Variants in DLG2 observed in about 807,000 individuals in gnomAD.
DLG2 encodes discs large MAGUK scaffold protein 2.
A neutral mutation model predicts 132.5 loss-of-function variants in DLG2; 45 were observed. That is an observed-to-expected ratio of 0.34 (90% CI 0.27 to 0.44). The LOEUF is 0.44. Among genes scored for constraint, DLG2 ranks in the 20% least tolerant of loss-of-function variants. DLG2 has a pLI of 1.00. For synonymous variants in DLG2, 424 were observed against 419.6 expected, an observed-to-expected ratio of 1.01 and a Z score of -0.13; for missense variants, 1,045 against 1,196.9, an observed-to-expected ratio of 0.87 and a Z score of 1.87.
intron 3 of DLG2, among the ~76,000 whole-genome samples, chr11:85,559,992 G>A (rs2077149181): frequency 6.6e-6 from 1 of 151,490 alleles, no homozygotes; most frequent in Non-Finnish European, 1.5e-5. Flanking sequence ...AGTAACACAA[G>A]CTATGAGAAA....
chr11:84,081,316 A>G (rs2096899647), intron 10 of DLG2, among the ~76,000 whole-genome samples: 1 of 152,214 alleles, frequency 6.6e-6, no homozygotes, highest in Non-Finnish European at 1.5e-5. Flanking sequence ...AAATGTTAGA[A>G]TAATACTGAT....
chr11:83,608,924 C>T (rs1354240320), intron 19 of DLG2, among the ~76,000 whole-genome samples: 1 of 152,160 alleles, frequency 6.6e-6, no homozygotes, highest in Non-Finnish European at 1.5e-5. Context: ...TTCTATTACA[C>T]AGCCACCATT....
intron 4 of DLG2, among the ~76,000 whole-genome samples, chr11:85,215,078 C>G (rs909753708): frequency 2.0e-5 from 3 of 152,072 alleles, no homozygotes; most frequent in African/African-American, 7.2e-5. Context: ...TTGAAAGAAA[C>G]TGAAATAAAA....
chr11:84,374,565 G>C (rs756355792), intron 7 of DLG2, among the ~76,000 whole-genome samples: 6 of 151,974 alleles, frequency 3.9e-5, no homozygotes, highest in Non-Finnish European at 8.8e-5. Flanking sequence ...CTTCCAGTGT[G>C]GCCCAGGGAG....
chr11:85,027,923 G>A (rs530121386), intron 6 of DLG2, among the ~76,000 whole-genome samples: 1 of 152,316 alleles, frequency 6.6e-6, no homozygotes, highest in Non-Finnish European at 1.5e-5. Context: ...AGCCCTGTTT[G>A]TGTTGCAGCT....
chr11:85,078,268 TG>T (rs2066803278), intron 6 of DLG2, among the ~76,000 whole-genome samples: 1 of 150,574 alleles, frequency 6.6e-6, no homozygotes, highest in Admixed American at 6.7e-5. Context: ...GCAGTGTGTG[TG>T]GACTAGAGGA....
chr11:84,167,543 A>T (rs1478165197), intron 8 of DLG2, among the ~76,000 whole-genome samples: 2 of 152,202 alleles, frequency 1.3e-5, no homozygotes, highest in African/African-American at 4.8e-5. Flanking sequence ...ACAAATGTGA[A>T]CTATCCATAT....
In DLG2 at chr11:84,673,658, C is replaced by G. The variant is rs551307957; in HGVS notation, c.358-138927G>C. Among the ~76,000 whole-genome samples the G allele has an allele frequency of 9.4e-5, 14 of 149,568 alleles. 1 individual carries two copies. In the East Asian group the frequency reaches 2.6e-3, roughly 27 times the overall value. On this transcript the variant is annotated intron_variant, in intron 6 of 27. Coordinates refer to ENST00000376104, the MANE Select transcript of DLG2 (RefSeq NM_001142699.3). ...AAATAAATCACTAATGTAGTGAAGACTGTGACAAAAATAAGAATTTTCCAT... is the reference window on the plus strand; with the variant it reads ...AAATAAATCACTAATGTAGTGAAGAGTGTGACAAAAATAAGAATTTTCCAT...
intron 4 of DLG2, among the ~76,000 whole-genome samples, chr11:85,188,683 A>C (rs1349494888): frequency 6.6e-6 from 1 of 152,198 alleles, no homozygotes; most frequent in Admixed American, 6.5e-5. Flanking sequence ...TAAAAATTTA[A>C]GTGGAAATTC....
intron 7 of DLG2, among the ~76,000 whole-genome samples, chr11:84,519,788 A>G (rs1481341880): frequency 6.6e-6 from 1 of 152,242 alleles, no homozygotes; most frequent in Admixed American, 6.5e-5. Flanking sequence ...CTCAGAAATG[A>G]AAGAAAACTT....
At chr11:85,151,203 T>G (rs1260280722) in intron 5 of DLG2, among the ~76,000 whole-genome samples, 7 of 152,202 alleles carry the variant, frequency 4.6e-5, no homozygotes, top group Non-Finnish European at 8.8e-5. Flanking sequence ...TGTCCATTTT[T>G]AGTTGTGTTA....
intron 6 of DLG2, among the ~76,000 whole-genome samples, chr11:85,041,728 A>T (rs949141871): frequency 3.3e-5 from 5 of 151,936 alleles, no homozygotes; most frequent in African/African-American, 1.2e-4. Flanking sequence ...TGGATGCAAA[A>T]CCAATGACAT....
At chr11:84,903,530 T>G (rs1282765112) in intron 6 of DLG2, among the ~76,000 whole-genome samples, 1 of 152,166 alleles carries the variant, frequency 6.6e-6, no homozygotes, top group Non-Finnish European at 1.5e-5. Context: ...TTACTCATCT[T>G]CATATCCCTG....
chr11:85,318,886 T>A (rs1351043525), intron 3 of DLG2, among the ~76,000 whole-genome samples: 2 of 151,796 alleles, frequency 1.3e-5, no homozygotes, highest in African/African-American at 2.4e-5. Context: ...GTATCAAAGT[T>A]TGTCACATTA....
At chr11:84,142,263 G>A (rs1352493503) in intron 9 of DLG2, among the ~76,000 whole-genome samples, 3 of 146,728 alleles carry the variant, frequency 2.0e-5, no homozygotes, top group Non-Finnish European at 4.5e-5. Flanking sequence ...GGAGGTTGCA[G>A]TGAGCCGAGA....
intron 18 of DLG2, among the ~76,000 whole-genome samples, chr11:83,754,435 A>C (rs1264092774): frequency 6.6e-6 from 1 of 151,284 alleles, no homozygotes; most frequent in Non-Finnish European, 1.5e-5. Context: ...TTATGTTGAA[A>C]TCTCCTATAT....
chr11:84,052,141 A>C (rs1271884110), intron 11 of DLG2, among the ~76,000 whole-genome samples: 1 of 151,918 alleles, frequency 6.6e-6, no homozygotes, highest in Non-Finnish European at 1.5e-5. Context: ...GAAAAATCCC[A>C]AACATATATG....
intron 3 of DLG2, among the ~76,000 whole-genome samples, chr11:85,409,205 A>G (rs969213097): frequency 2.6e-5 from 4 of 151,912 alleles, no homozygotes; most frequent in Non-Finnish European, 4.4e-5. Flanking sequence ...AGATGAGACA[A>G]ATAGGGTACA....
At chr11:84,537,677 A>C (rs943865395) in intron 6 of DLG2, among the ~76,000 whole-genome samples, 3 of 152,058 alleles carry the variant, frequency 2.0e-5, no homozygotes, top group African/African-American at 7.2e-5. Context: ...ATGGTTGTGT[A>C]TTTTCTGTGT....
Sources: gnomAD v4.1 joint callset for allele counts (sites outside exome capture counted in the v4.1 genomes callset) on GRCh38, gnomAD v4.1.1 for gene constraint, MANE v1.5 for transcripts, NCBI Gene and HGNC (gene_info 2026-07-23, HGNC 2026-07-21) for gene names.